Variants in ARNT2 observed in about 807,000 individuals in gnomAD.
ARNT2 encodes aryl hydrocarbon receptor nuclear translocator 2.
A neutral mutation model predicts 91.7 loss-of-function variants in ARNT2; 36 were observed. The ratio of observed to expected loss-of-function variants is 0.39; its 90% confidence interval spans 0.30 to 0.52. The LOEUF is 0.52. ARNT2 is among the 20% of genes least tolerant of loss of function. ARNT2 has a pLI of 0.72. For missense variants in ARNT2, 775 were observed against 939.3 expected (o/e 0.83, Z 2.29); for synonymous variants, 365 against 347.1 (o/e 1.05, Z -0.57).
At chr15:80,522,474 CGTT>C (rs1022477377) in intron 8 of ARNT2, among the ~76,000 whole-genome samples, 3 of 152,078 alleles carry the variant, frequency 2.0e-5, no homozygotes, top group African/African-American at 7.2e-5. Flanking sequence ...GCAATTTAAT[CGTT>C]GTGTGAACAT....
At chr15:80,442,465 A>C (rs532375081) in intron 1 of ARNT2, among the ~76,000 whole-genome samples, 1 of 152,324 alleles carries the variant, frequency 6.6e-6, no homozygotes, top group East Asian at 1.9e-4. Context: ...GGGTCCTTTC[A>C]TCTCTGACCA....
chr15:80,496,304 C>T (rs1026369818), intron 5 of ARNT2, among the ~76,000 whole-genome samples: 4 of 152,210 alleles, frequency 2.6e-5, no homozygotes, highest in African/African-American at 9.6e-5. Context: ...ACCCTTCTCC[C>T]TGCTCCCAGC....
chr15:80,552,303 G>T (rs1045823583), intron 9 of ARNT2, among the ~76,000 whole-genome samples: 1 of 152,176 alleles, frequency 6.6e-6, no homozygotes, highest in Non-Finnish European at 1.5e-5. Flanking sequence ...GGGAAGAGAA[G>T]GGGATTAACA....
At chr15:80,516,273 T>TA (rs1179263545) in intron 8 of ARNT2, among the ~76,000 whole-genome samples, 1 of 152,240 alleles carries the variant, frequency 6.6e-6, no homozygotes, top group Non-Finnish European at 1.5e-5. Context: ...ATGTAGCAAT[T>TA]ACTGAAGGAG....
intron 5 of ARNT2, among the ~76,000 whole-genome samples, chr15:80,487,550 G>A (rs1308379131): frequency 2.0e-5 from 3 of 152,220 alleles, no homozygotes; most frequent in Non-Finnish European, 2.9e-5. Flanking sequence ...CACCTGGCCC[G>A]CTCAGGCCTG....
chr15:80,489,451 G>A (rs1206811834), intron 5 of ARNT2, among the ~76,000 whole-genome samples: 1 of 152,136 alleles, frequency 6.6e-6, no homozygotes, highest in East Asian at 1.9e-4. Context: ...TCTCCTTTTG[G>A]GTGATGACAT....
intron 1 of ARNT2, among the ~76,000 whole-genome samples, chr15:80,417,420 G>T (rs1382756374): frequency 1.3e-5 from 2 of 152,192 alleles, no homozygotes; most frequent in African/African-American, 4.8e-5. Context: ...GCCTGACTTA[G>T]TGACTTAAAA....
intron 5 of ARNT2, among the ~76,000 whole-genome samples, chr15:80,491,867 G>T (rs192798009): frequency 3.6e-5 from 4 of 111,636 alleles, no homozygotes; most frequent in African/African-American, 1.4e-4. Context: ...GTTTTTTGGT[G>T]ATTTTTTGCT....
intron 5 of ARNT2, among the ~76,000 whole-genome samples, chr15:80,490,231 G>T (rs1213328433): frequency 5.3e-5 from 8 of 152,164 alleles, no homozygotes; most frequent in Non-Finnish European, 8.8e-5. Flanking sequence ...AGAGTAAGTT[G>T]CACAGAGTCA....
At chr15:80,526,478 G>C (rs1379611555) in intron 8 of ARNT2, among the ~76,000 whole-genome samples, 8 of 152,224 alleles carry the variant, frequency 5.3e-5, no homozygotes. Flanking sequence ...TTCCTTTCTA[G>C]TAACCATCGT....
At chr15:80,559,443 G>A (rs542769012) in intron 11 of ARNT2, among the ~76,000 whole-genome samples, 15 of 152,316 alleles carry the variant, frequency 9.8e-5, no homozygotes, top group Middle Eastern at 3.4e-3. Context: ...TTGGTCTCCG[G>A]CCACTGACAG....
chr15:80,431,218 C>T (rs1896004146), intron 1 of ARNT2, among the ~76,000 whole-genome samples: 1 of 152,214 alleles, frequency 6.6e-6, no homozygotes, highest in South Asian at 2.1e-4. Context: ...TTGTGAACAG[C>T]ACGCCCCCTC....
chr15:80,528,015 G>A (rs1453769318), intron 8 of ARNT2, among the ~76,000 whole-genome samples: 11 of 152,228 alleles, frequency 7.2e-5, no homozygotes, highest in Non-Finnish European at 1.0e-4. Flanking sequence ...GAAGGGAGAG[G>A]AGGGACAGGA....
intron 12 of ARNT2, 25 bp from the exon 13 acceptor site, chr15:80,574,123 C>T: frequency 1.9e-6 from 3 of 1,610,120 alleles, no homozygotes; most frequent in Non-Finnish European, 2.6e-6. Flanking sequence ...TCTTCATGAC[C>T]CTCTGTTGTC....
intron 2 of ARNT2, among the ~76,000 whole-genome samples, chr15:80,453,208 G>A (rs1263166577): frequency 1.3e-5 from 2 of 152,226 alleles, no homozygotes; most frequent in Non-Finnish European, 2.9e-5. Context: ...TTAAAGCCAA[G>A]GGAATGAAAC....
At chr15:80,512,451 G>T (rs188664948) in intron 6 of ARNT2, among the ~76,000 whole-genome samples, 59 of 152,354 alleles carry the variant, frequency 3.9e-4, no homozygotes, top group African/African-American at 1.3e-3. Context: ...AAGCACGCAT[G>T]TCTCCATTTA....
intron 9 of ARNT2, among the ~76,000 whole-genome samples, chr15:80,552,205 G>A (rs922095987): frequency 2.0e-5 from 3 of 152,126 alleles, no homozygotes; most frequent in Non-Finnish European, 2.9e-5. Context: ...AAGAATATTT[G>A]GGTAAATTCA....
At chr15:80,497,937 G>T (rs555354324) in intron 5 of ARNT2, among the ~76,000 whole-genome samples, 1 of 152,282 alleles carries the variant, frequency 6.6e-6, no homozygotes, top group East Asian at 1.9e-4. Context: ...TTCCACTTTC[G>T]TGTTAGTCTC....
chr15:80,447,248 CAG>C (rs1345438763), intron 1 of ARNT2, among the ~76,000 whole-genome samples: 1 of 152,044 alleles, frequency 6.6e-6, no homozygotes, highest in Non-Finnish European at 1.5e-5. Flanking sequence ...TGCTGTGTGT[CAG>C]GGGTGTACAT....
Sources: allele counts gnomAD v4.1 joint callset (sites outside exome capture counted in the v4.1 genomes callset), GRCh38; gene constraint gnomAD v4.1.1; transcripts MANE v1.5; gene names NCBI Gene and HGNC (gene_info 2026-07-23, HGNC 2026-07-21).